The following UBE4B variants were observed in gnomAD, a reference collection of about 807,000 sequenced individuals.
UBE4B encodes ubiquitination factor E4B.
A neutral mutation model predicts 148.1 loss-of-function variants in UBE4B; 27 were observed. The observed-to-expected ratio is 0.18, with a 90% CI of 0.13 to 0.25. The LOEUF (loss-of-function observed/expected upper bound fraction) is 0.25. Ranked by LOEUF, UBE4B falls within the 10% of genes least tolerant of loss-of-function variation. The pLI, the probability that UBE4B is intolerant of heterozygous loss-of-function variation, is 1.00. For missense variants in UBE4B, 1,170 were observed against 1,662.4 expected, an observed-to-expected ratio of 0.70 and a Z score of 5.15; for synonymous variants, 596 against 619.3, an observed-to-expected ratio of 0.96 and a Z score of 0.56.
Position 10,126,871 on chromosome 1 carries a change from C to A in UBE4B, c.1632C>A (p.Pro544=), listed in dbSNP as rs142096652. Residue 544 remains proline (P), a synonymous_variant, in exon 11 of 28, where the codon CCC becomes CCA. Coordinates refer to ENST00000343090, the MANE Select transcript of UBE4B (RefSeq NM_001105562.3). ...CSLDSDYFKY[P]LMALGELCET... The stretch of plus-strand genomic sequence containing the variant: ...TCGACAGTGACTACTTTAAATACCC[C>A]CTCATGGTAAAACTTTGTTCTTTTT... The A allele has an allele frequency of 4.9e-5, 79 of 1,613,470 alleles. 1 individual carries two copies. The South Asian group carries it at 7.9e-4, about 16-fold the overall frequency.
intron 1 of UBE4B, among the ~76,000 whole-genome samples, chr1:10,045,550 T>C (rs1473519949): frequency 6.6e-6 from 1 of 152,176 alleles, no homozygotes; most frequent in Non-Finnish European, 1.5e-5. Context: ...GTCTGACATA[T>C]TTGATGAAAT....
chr1:10,067,158 A>T lies in UBE4B; in HGVS notation c.25-4870A>T, dbSNP rs75011205. ...GTCTTAGCTTCTGCCTGCAATCACA[A>T]TGGCCTTCACTGTTTTGAATCTATT... On this transcript the variant is annotated intron_variant, in intron 1 of 27. Transcript: ENST00000343090. 1.0e-2 allele frequency among the ~76,000 whole-genome samples: 1,518 copies of T among 152,172 alleles called. 9 individuals carry two copies. The highest frequency in any genetic ancestry group is 0.016 in the Non-Finnish European group (1,081 of 68,000).
At chr1:10,145,261 G>C (rs1645850540) in intron 18 of UBE4B, 1 of 351,010 alleles carries the variant, frequency 2.8e-6, no homozygotes, top group South Asian at 7.0e-5. Context: ...TGCTTCTGCT[G>C]TGATTATGAA....
intron 25 of UBE4B, among the ~76,000 whole-genome samples, chr1:10,176,977 C>T (rs182344197): frequency 8.7e-5 from 13 of 150,104 alleles, no homozygotes; most frequent in Admixed American, 6.0e-4. Context: ...TTAGTAGAGA[C>T]GGGGTTTCAC....
At chr1:10,178,016 C>T (rs980716653) in intron 25 of UBE4B, among the ~76,000 whole-genome samples, 1 of 152,174 alleles carries the variant, frequency 6.6e-6, no homozygotes, top group Admixed American at 6.5e-5. Flanking sequence ...CCACAACTTC[C>T]CTTCCTGGGG....
intron 7 of UBE4B, among the ~76,000 whole-genome samples, chr1:10,113,126 G>A (rs1272659204): frequency 2.0e-5 from 3 of 152,164 alleles, no homozygotes; most frequent in Non-Finnish European, 4.4e-5. Flanking sequence ...TCTGCTTCTT[G>A]TGAGGGCCTC....
intron 3 of UBE4B, among the ~76,000 whole-genome samples, chr1:10,097,052 A>AATAATAAT (rs1553143703): frequency 5.8e-5 from 8 of 138,536 alleles, no homozygotes; most frequent in African/African-American, 1.3e-4. Flanking sequence ...AAAAAAAAAA[A>AATAATAAT]AATAATAATA....
At chr1:10,053,887 A>C (rs540934023) in intron 1 of UBE4B, among the ~76,000 whole-genome samples, 3 of 151,864 alleles carry the variant, frequency 2.0e-5, no homozygotes, top group African/African-American at 7.3e-5. Context: ...AGGCCTCGCT[A>C]TGTTGCCCAG....
intron 19 of UBE4B, 45 bp downstream of exon 19, chr1:10,147,135 C>G: frequency 6.2e-7 from 1 of 1,611,948 alleles, no homozygotes; most frequent in Non-Finnish European, 8.5e-7. Flanking sequence ...CTTGGCTGGG[C>G]TCTGTTGTCT....
intron 23 of UBE4B, among the ~76,000 whole-genome samples, chr1:10,167,850 A>G (rs1290429113): frequency 6.6e-6 from 1 of 152,088 alleles, no homozygotes; most frequent in Non-Finnish European, 1.5e-5. Flanking sequence ...TGGCTTCGCA[A>G]AGTGCTGGGA....
chr1:10,038,871 C>T (rs1278935079), intron 1 of UBE4B, among the ~76,000 whole-genome samples: 2 of 151,988 alleles, frequency 1.3e-5, no homozygotes, highest in African/African-American at 2.4e-5. Flanking sequence ...TCGAGGCAGG[C>T]GGATCACGTG....
At chr1:10,179,182 T>C (rs1344964293) in intron 26 of UBE4B, 1 of 553,504 alleles carries the variant, frequency 1.8e-6, no homozygotes. Context: ...GTCCCAGGCT[T>C]TCTTCTCTGT....
At chr1:10,095,620 T>A in intron 3 of UBE4B, 24 bp downstream of exon 3, 2 of 1,613,710 alleles carry the variant, frequency 1.2e-6, no homozygotes, top group Non-Finnish European at 1.7e-6. Context: ...AGTTTTCTAA[T>A]ATGCTCTTTT....
At chr1:10,146,664 C>T (rs533851100) in intron 18 of UBE4B, among the ~76,000 whole-genome samples, 4 of 152,174 alleles carry the variant, frequency 2.6e-5, no homozygotes, top group African/African-American at 9.6e-5. Flanking sequence ...CCCAAAGGGC[C>T]TCCCTGTCGC....
At chr1:10,179,003 C>A in intron 26 of UBE4B, 185 bp downstream of exon 26, 1 of 634,492 alleles carries the variant, frequency 1.6e-6, no homozygotes, top group Non-Finnish European at 2.5e-6. Context: ...GAAGAAACAT[C>A]CTTAGCTTAG....
chr1:10,035,472 C>T (rs1018830595), intron 1 of UBE4B, among the ~76,000 whole-genome samples: 5 of 135,200 alleles, frequency 3.7e-5, no homozygotes, highest in African/African-American at 1.4e-4. Flanking sequence ...TCTCAGCTCA[C>T]TGCAAGCTCT....
intron 8 of UBE4B, among the ~76,000 whole-genome samples, 182 bp from the exon 9 acceptor site, chr1:10,119,331 C>A (rs145560879): frequency 1.1e-4 from 17 of 152,298 alleles, no homozygotes; most frequent in African/African-American, 3.9e-4. Context: ...TCTTCTCTGA[C>A]ATCAGTTTCT....
At chr1:10,178,608 A>G (rs762528154) in intron 25 of UBE4B, 36 bp from the exon 26 acceptor site, 1 of 1,547,116 alleles carries the variant, frequency 6.5e-7, no homozygotes, top group South Asian at 1.2e-5. Flanking sequence ...CACCTGACGT[A>G]CATTTACGTC....
rs562796336 is a variant in UBE4B, at chr1:10,179,762, G to A, written c.3848-133G>A. 9.1e-5 allele frequency: 125 copies of A among 1,367,796 alleles called. No homozygotes were observed. The African/African-American group carries it at 1.5e-3, about 17-fold the overall frequency. 84.7% of individuals were successfully genotyped at this position (1,367,796 alleles called of 1,614,324 possible). A position where few individuals can be genotyped will look rare whatever the true frequency, so the allele number is the denominator to read the frequency against. On this transcript the variant is annotated intron_variant, in intron 27 of 27. Coordinates refer to ENST00000343090, the MANE Select transcript of UBE4B (RefSeq NM_001105562.3). ...TCCAGTCCCTCCCTCTCATGTCCCA[G>A]TCCTTCTGGAGTCTTCGGCTCAATG...
Sources: allele counts gnomAD v4.1 joint callset (sites outside exome capture counted in the v4.1 genomes callset), GRCh38; gene constraint gnomAD v4.1.1; transcripts MANE v1.5; gene names NCBI Gene and HGNC (gene_info 2026-07-23, HGNC 2026-07-21).